Variants in CDK14 observed in about 807,000 individuals in gnomAD.
CDK14 encodes the protein cyclin dependent kinase 14.
A neutral mutation model predicts 60.7 loss-of-function variants in CDK14; 34 were observed. The observed-to-expected ratio is 0.56, with a 90% CI of 0.43 to 0.75. The LOEUF is 0.75. Among genes scored for constraint, CDK14 ranks in the 30% least tolerant of loss-of-function variants. The probability of loss-of-function intolerance (pLI) is 0.00; values close to 1 mark genes in which losing one functional copy is unlikely to be tolerated. For missense variants in CDK14, 482 were observed against 564.1 expected (o/e 0.85, Z 1.47); for synonymous variants, 197 against 203.7 (o/e 0.97, Z 0.28).
In CDK14 at chr7:90,649,433, C is replaced by CTTTCTTTCTT. The variant is rs1554427257; in HGVS notation, c.123+45185_123+45186insTTCTTTCTTT. ...TCTTTCTTTCTTTCCTTCTTTCTTT[C>CTTTCTTTCTT]TCTTTCCTTCCTTCTTTCCTTCTTT... On this transcript the variant is annotated intron_variant, in intron 2 of 14. Transcript: ENST00000380050. Among the ~76,000 whole-genome samples the CTTTCTTTCTT allele has an allele frequency of 2.2e-4, 15 of 68,008 alleles. 1 individual carries two copies. Among genetic ancestry groups the CTTTCTTTCTT allele is most frequent in the Admixed American group, 4.4e-4 (2 of 4,584 alleles). 44.6% of individuals were successfully genotyped at this position (68,008 alleles called of 152,430 possible).
chr7:90,881,143 G>A (rs184777866), intron 6 of CDK14, among the ~76,000 whole-genome samples: 16 of 152,160 alleles, frequency 1.1e-4, no homozygotes, highest in Non-Finnish European at 1.8e-4. Flanking sequence ...ATAAAACTAC[G>A]GTGAACTAAA....
chr7:91,048,966 C>G lies in CDK14; in HGVS notation c.1105+3006C>G, dbSNP rs148376556. 7.2e-3 allele frequency among the ~76,000 whole-genome samples: 1,096 copies of G among 152,182 alleles called. 9 individuals carry two copies. The highest frequency in any genetic ancestry group is 0.025 in the African/African-American group (1,036 of 41,544). ...TACAACTCACTGCAGCCTCGACCTT[C>G]CAGGTTCAAGTGATCCTCCCTGCTC... On this transcript the variant is annotated intron_variant, in intron 11 of 14. Coordinates refer to ENST00000380050, the MANE Select transcript of CDK14 (RefSeq NM_001287135.2).
intron 10 of CDK14, among the ~76,000 whole-genome samples, chr7:91,027,114 A>G (rs1000087732): frequency 1.3e-5 from 2 of 152,224 alleles, no homozygotes; most frequent in African/African-American, 4.8e-5. Flanking sequence ...TAGCTGATTC[A>G]TGTATAACCC....
chr7:90,948,003 C>T (rs145978179), intron 8 of CDK14, among the ~76,000 whole-genome samples: 79 of 152,240 alleles, frequency 5.2e-4, no homozygotes, highest in East Asian at 1.3e-3. Flanking sequence ...CATATAGATA[C>T]ATACTTGTAT....
chr7:90,740,268 T>G (rs200668263), intron 3 of CDK14, among the ~76,000 whole-genome samples: 21,366 of 142,806 alleles, frequency 0.15, 1,670 homozygotes, highest in South Asian at 0.19. Context: ...TATATATATA[T>G]ATAGAGAGAG....
At chr7:90,947,881 A>T (rs1794146452) in intron 8 of CDK14, among the ~76,000 whole-genome samples, 1 of 152,150 alleles carries the variant, frequency 6.6e-6, no homozygotes, top group Admixed American at 6.5e-5. Flanking sequence ...TTATAGATTG[A>T]CTTCTTTCCT....
At chr7:90,807,018 C>G (rs764298493) in intron 5 of CDK14, among the ~76,000 whole-genome samples, 1 of 152,206 alleles carries the variant, frequency 6.6e-6, no homozygotes, top group African/African-American at 2.4e-5. Context: ...GCCTGCCTGC[C>G]TCTGTAGACT....
chr7:91,104,042 T>C lies in CDK14; in HGVS notation c.1155-8500T>C, dbSNP rs116531211. Among the ~76,000 whole-genome samples, 650 of 152,334 alleles carry C rather than the reference T, an allele frequency of 4.3e-3. 4 individuals are homozygous for C. The highest frequency in any genetic ancestry group is 0.015 in the African/African-American group (624 of 41,570). ...AGTAGGGATTGTTTATGTCTTGTCATCCAGGTTTATAATTTTAAAATTCCT... is the reference window on the plus strand; with the variant it reads ...AGTAGGGATTGTTTATGTCTTGTCACCCAGGTTTATAATTTTAAAATTCCT... On this transcript the variant is annotated intron_variant, in intron 12 of 14. Coordinates refer to ENST00000380050, the MANE Select transcript of CDK14 (RefSeq NM_001287135.2).
chr7:91,122,007 C>T (rs1799794302), intron 14 of CDK14, among the ~76,000 whole-genome samples: 2 of 152,156 alleles, frequency 1.3e-5, no homozygotes, highest in African/African-American at 4.8e-5. Context: ...TCTCCTTTAG[C>T]TAAATATAAG....
chr7:90,910,755 A>G (rs933411965), intron 7 of CDK14, among the ~76,000 whole-genome samples: 1 of 152,136 alleles, frequency 6.6e-6, no homozygotes, highest in African/African-American at 2.4e-5. Context: ...CCTTTGGCCA[A>G]TTCACTTAAT....
chr7:90,986,600 T>G (rs370452597), intron 10 of CDK14, among the ~76,000 whole-genome samples: 3 of 152,030 alleles, frequency 2.0e-5, no homozygotes, highest in East Asian at 3.8e-4. Flanking sequence ...TATTCAATTA[T>G]TTTAAATAAC....
chr7:90,669,122 TCTC>T (rs144584632), intron 2 of CDK14, among the ~76,000 whole-genome samples: 2,354 of 152,176 alleles, frequency 0.015, 86 homozygotes, highest in African/African-American at 0.052. Flanking sequence ...TGCCATCCCA[TCTC>T]CTCCTCCTCC....
chr7:90,715,675 TTC>T (rs1491148500), intron 2 of CDK14, among the ~76,000 whole-genome samples: 3,414 of 112,598 alleles, frequency 0.03, 57 homozygotes, highest in Non-Finnish European at 0.043. Context: ...TTTTTTTTTT[TTC>T]TAGAGTAAGA....
At chr7:90,734,224 C>A (rs1272717523) in intron 3 of CDK14, among the ~76,000 whole-genome samples, 1 of 152,158 alleles carries the variant, frequency 6.6e-6, no homozygotes. Context: ...TGAGTCTTCT[C>A]TCTGGCTGCC....
intron 14 of CDK14, among the ~76,000 whole-genome samples, chr7:91,205,666 T>G (rs1356343042): frequency 6.6e-6 from 1 of 152,254 alleles, no homozygotes; most frequent in Non-Finnish European, 1.5e-5. Context: ...ATTATATTCT[T>G]TTAAATGATT....
At chr7:90,813,328 C>T (rs916546379) in intron 5 of CDK14, among the ~76,000 whole-genome samples, 1 of 151,854 alleles carries the variant, frequency 6.6e-6, no homozygotes. Flanking sequence ...GAAAATGTGT[C>T]AGTTCTGGAT....
intron 2 of CDK14, among the ~76,000 whole-genome samples, chr7:90,636,147 C>G (rs1023719056): frequency 7.9e-5 from 12 of 150,988 alleles, no homozygotes; most frequent in Non-Finnish European, 1.5e-4. Context: ...GCCTAATTGC[C>G]CTGGCCAGAA....
At chr7:90,724,901 A>G (rs1246456102) in intron 2 of CDK14, among the ~76,000 whole-genome samples, 2 of 152,098 alleles carry the variant, frequency 1.3e-5, no homozygotes, top group Non-Finnish European at 1.5e-5. Context: ...AAACCCTTAA[A>G]AATATTGCAT....
intron 5 of CDK14, among the ~76,000 whole-genome samples, chr7:90,795,280 A>G (rs1806012485): frequency 6.6e-6 from 1 of 152,250 alleles, no homozygotes; most frequent in South Asian, 2.1e-4. Context: ...ATTTAATTCA[A>G]TAATGCAATA....
Sources: allele counts gnomAD v4.1 joint callset (sites outside exome capture counted in the v4.1 genomes callset), GRCh38; gene constraint gnomAD v4.1.1; transcripts MANE v1.5; gene names NCBI Gene and HGNC (gene_info 2026-07-23, HGNC 2026-07-21).